The following CCDC85C variants were observed in gnomAD, a reference collection of about 807,000 sequenced individuals.
CCDC85C encodes coiled-coil domain-containing protein 85C.
A neutral mutation model predicts 38.3 loss-of-function variants in CCDC85C; 18 were observed. That is an observed-to-expected ratio of 0.47 (90% CI 0.33 to 0.70). CCDC85C has a LOEUF of 0.70. Among genes scored for constraint, CCDC85C ranks in the 30% least tolerant of loss-of-function variants. The pLI is 0.03. For synonymous variants in CCDC85C, 264 were observed against 293.8 expected (o/e 0.90, Z 1.04); for missense variants, 566 against 621.2 (o/e 0.91, Z 0.94).
At position 99,517,303 on chromosome 14, in the gene CCDC85C, G is replaced by A. The variant is rs563508992; in HGVS notation, c.976-120C>T. ...GCCCAGGCAGGAGGAAAAGGGGACC[G>A]GGGTGAGGCAGAGGAGGCAGGTGTG... On this transcript the variant is annotated intron_variant, in intron 3 of 5. Coordinates refer to ENST00000380243, the MANE Select transcript of CCDC85C (RefSeq NM_001144995.2). 2.3e-4 allele frequency: 175 copies of A among 763,488 alleles called. 1 individual carries two copies. The highest frequency in any genetic ancestry group is 2.3e-4 in the Admixed American group (8 of 34,258). 47.3% of individuals were successfully genotyped at this position (763,488 alleles called of 1,614,324 possible). A position where few individuals can be genotyped will look rare whatever the true frequency, so the allele number is the denominator to read the frequency against.
At chr14:99,587,738 G>A (rs369651787) in intron 1 of CCDC85C, among the ~76,000 whole-genome samples, 12 of 152,240 alleles carry the variant, frequency 7.9e-5, no homozygotes, top group South Asian at 2.1e-4. Context: ...CAGAACCCCC[G>A]TACAGTCATG....
chr14:99,519,150 C>CGA (rs1428508529), intron 3 of CCDC85C, among the ~76,000 whole-genome samples: 1 of 108,488 alleles, frequency 9.2e-6, no homozygotes, highest in Non-Finnish European at 1.7e-5. Context: ...GGATCTCACT[C>CGA]TGTCGCCCAG....
At position 99,502,526 on chromosome 14, in the gene CCDC85C, C is replaced by A; in HGVS notation, c.*12720G>T. The A allele has an allele frequency of 1.5e-6, 2 of 1,335,538 alleles. No individual in the cohort carries two copies. Among genetic ancestry groups the A allele is most frequent in the Non-Finnish European group, 2.0e-6 (2 of 992,846 alleles). 82.7% of individuals were successfully genotyped at this position (1,335,538 alleles called of 1,614,324 possible). ...CATTAATTAAATTATCTAATAGTTT[C>A]CACTTTGTCCAAACACATACTTTTG... On this transcript the variant is annotated 3_prime_UTR_variant, in exon 6 of 6. Transcript: ENST00000380243.
rs1896840177 is a variant in CCDC85C at position 99,501,918 on chromosome 14, G to A, written c.*13328C>T. On this transcript the variant is annotated 3_prime_UTR_variant, in exon 6 of 6. Transcript: ENST00000380243. The stretch of plus-strand genomic sequence containing the variant: ...TTTGAAGAAACAGTTGAGTGGCTAG[G>A]ATTTCAACAGTTTAAATAACATAAG... The A allele has an allele frequency of 3.7e-6, 1 of 266,858 alleles. No individual in the cohort carries two copies. Among genetic ancestry groups the A allele is most frequent in the African/African-American group, 2.2e-5 (1 of 44,576 alleles). 16.5% of individuals were successfully genotyped at this position (266,858 alleles called of 1,614,324 possible).
At chr14:99,555,499 C>T (rs976638699) in intron 1 of CCDC85C, among the ~76,000 whole-genome samples, 3 of 152,190 alleles carry the variant, frequency 2.0e-5, no homozygotes, top group Admixed American at 2.0e-4. Flanking sequence ...CCACTTTTTT[C>T]TCCCAGGCCA....
At position 99,576,857 on chromosome 14, in the gene CCDC85C, G is replaced by A. The variant is rs1898487864; in HGVS notation, c.793+26310C>T. On this transcript the variant is annotated intron_variant, in intron 1 of 5. Coordinates refer to ENST00000380243, the MANE Select transcript of CCDC85C (RefSeq NM_001144995.2). The surrounding 1 kb of genome is among the most constrained non-coding windows in gnomAD (Gnocchi z 4.8). ...GAGGGTAAGCAACATGCCCAAGACA[G>A]CACAGCGGGGCAGCACTCTCTCCGG... Among the ~76,000 whole-genome samples, 1 of 152,044 alleles carries A rather than the reference G, an allele frequency of 6.6e-6. No individual in the cohort carries two copies. Among genetic ancestry groups the A allele is most frequent in the Non-Finnish European group, 1.5e-5 (1 of 67,992 alleles).
chr14:99,511,531 T>C lies in CCDC85C; in HGVS notation c.*3715A>G, dbSNP rs917189115. 1 of 152,688 alleles carries C rather than the reference T, an allele frequency of 6.5e-6. No homozygotes were observed. 9.5% of individuals were successfully genotyped at this position (152,688 alleles called of 1,614,324 possible). ...TCTGAAACTATCCCTTTCTTTGTTATGGGTGGAAGGTGGGGCTCCAGGCCT... is the reference window on the plus strand; with the variant it reads ...TCTGAAACTATCCCTTTCTTTGTTACGGGTGGAAGGTGGGGCTCCAGGCCT... On this transcript the variant is annotated 3_prime_UTR_variant, in exon 6 of 6. Transcript: ENST00000380243.
chr14:99,567,198 A>AGTGCCTGGG lies in CCDC85C; in HGVS notation c.794-31111_794-31110insCCCAGGCAC, dbSNP rs59554600. Reference sequence around the variant, plus strand: ...GGACAGATGAGTGCACAGTCACAGGAAGAGCAGGTTCACCCACACATTCAC... The same window carrying AGTGCCTGGG: ...GGACAGATGAGTGCACAGTCACAGGAGTGCCTGGGAGAGCAGGTTCACCCACACATTCAC... On this transcript the variant is annotated intron_variant, in intron 1 of 5. Transcript: ENST00000380243. 4.1e-3 allele frequency among the ~76,000 whole-genome samples: 620 copies of AGTGCCTGGG among 151,720 alleles called. 2 individuals are homozygous for AGTGCCTGGG. Among genetic ancestry groups the AGTGCCTGGG allele is most frequent in the South Asian group, 0.019 (90 of 4,816 alleles).
At chr14:99,547,359 G>A (rs1049096594) in intron 1 of CCDC85C, among the ~76,000 whole-genome samples, 11 of 152,292 alleles carry the variant, frequency 7.2e-5, no homozygotes, top group African/African-American at 2.6e-4. Context: ...CCAGGGGCTG[G>A]TGCAGGCAAG....
At chr14:99,579,120 T>G (rs1190722355) in intron 1 of CCDC85C, among the ~76,000 whole-genome samples, 1 of 152,196 alleles carries the variant, frequency 6.6e-6, no homozygotes, top group Non-Finnish European at 1.5e-5. Context: ...CTGACCCAGG[T>G]GGCCCTGAGT....
Position 99,588,782 on chromosome 14 carries a change from G to T in CCDC85C, c.793+14385C>A, listed in dbSNP as rs2055053674. 6.6e-6 allele frequency among the ~76,000 whole-genome samples: 1 copy of T among 151,978 alleles called. No individual in the cohort carries two copies. Among genetic ancestry groups the T allele is most frequent in the African/African-American group, 2.4e-5 (1 of 41,388 alleles). On this transcript the variant is annotated intron_variant, in intron 1 of 5. Coordinates refer to ENST00000380243, the MANE Select transcript of CCDC85C (RefSeq NM_001144995.2). The surrounding 1 kb of genome is among the most constrained non-coding windows in gnomAD (Gnocchi z 5.0). ...GGAATACCCAAAAAAGCCCCCAAAA[G>T]TACTGGTTCTACTAGATGGAGGGAA...
rs748299090 is a variant in CCDC85C at position 99,507,888 on chromosome 14, G to T, written c.*7358C>A. 3 of 152,226 alleles carry T rather than the reference G, an allele frequency of 2.0e-5. No homozygotes were observed. The highest frequency in any genetic ancestry group is 1.9e-4 in the East Asian group (1 of 5,194). 9.4% of individuals were successfully genotyped at this position (152,226 alleles called of 1,614,324 possible). On this transcript the variant is annotated 3_prime_UTR_variant, in exon 6 of 6. Coordinates refer to ENST00000380243, the MANE Select transcript of CCDC85C (RefSeq NM_001144995.2). ...TAAGCTGGAAAGCCTCTCTGATACC[G>T]CTGGCAATAGAGGAGAAAAGCTGTA...
chr14:99,582,262 C>T (rs952567010), intron 1 of CCDC85C, among the ~76,000 whole-genome samples: 2 of 152,136 alleles, frequency 1.3e-5, no homozygotes, highest in African/African-American at 4.8e-5. Flanking sequence ...CGACGACCAC[C>T]CTGAGGTCCC....
chr14:99,507,043 T>G lies in CCDC85C; in HGVS notation c.*8203A>C. ...ACATGCTTATTCATGTGAAGAAGTA[T>G]GAGTGGTTTTCTAATCTGCTTTTTC... On this transcript the variant is annotated 3_prime_UTR_variant, in exon 6 of 6. Transcript: ENST00000380243. The G allele has an allele frequency of 8.0e-7, 1 of 1,252,224 alleles. No individual in the cohort carries two copies. The highest frequency in any genetic ancestry group is 1.2e-6 in the Non-Finnish European group (1 of 849,516). 77.6% of individuals were successfully genotyped at this position (1,252,224 alleles called of 1,614,324 possible). A position where few individuals can be genotyped will look rare whatever the true frequency, so the allele number is the denominator to read the frequency against.
In CCDC85C at chr14:99,507,376, A is replaced by C. The variant is rs1239505158; in HGVS notation, c.*7870T>G. 27 of 527,254 alleles carry C rather than the reference A, an allele frequency of 5.1e-5. No individual in the cohort carries two copies. In the East Asian group the frequency reaches 8.2e-4, roughly 16 times the overall value. The allele number at this position is 527,254 out of a possible 1,614,324, so 32.7% of individuals were successfully genotyped here. On this transcript the variant is annotated 3_prime_UTR_variant, in exon 6 of 6. Coordinates refer to ENST00000380243, the MANE Select transcript of CCDC85C (RefSeq NM_001144995.2). ...AGAATCACCTGACCCCAGGAGTTCG[A>C]GGTCAGCCTGGGCAACAAAGTGAGA...
chr14:99,597,522 C>T (rs1274744871), intron 1 of CCDC85C, among the ~76,000 whole-genome samples: 1 of 152,208 alleles, frequency 6.6e-6, no homozygotes, highest in East Asian at 1.9e-4. Context: ...CCTCCCCTGA[C>T]ACAGCGCTCC....
At chr14:99,541,304 A>C (rs1369117333) in intron 1 of CCDC85C, among the ~76,000 whole-genome samples, 1 of 152,026 alleles carries the variant, frequency 6.6e-6, no homozygotes, top group African/African-American at 2.4e-5. Flanking sequence ...AGCACCCCGC[A>C]CCCCAAGCTG....
In CCDC85C at chr14:99,503,053, C is replaced by A. The variant is rs1164752137; in HGVS notation, c.*12193G>T. The A allele has an allele frequency of 6.5e-6, 10 of 1,532,370 alleles. No homozygotes were observed. The highest frequency in any genetic ancestry group is 1.4e-5 in the African/African-American group (1 of 73,394). The allele number at this position is 1,532,370 out of a possible 1,614,324, so 94.9% of individuals were successfully genotyped here. ...GTGGCGGCAACACCTGAGCACTGTTCCCATTTCTAAGCGAGCACAGGGAAC... is the reference window on the plus strand; with the variant it reads ...GTGGCGGCAACACCTGAGCACTGTTACCATTTCTAAGCGAGCACAGGGAAC... On this transcript the variant is annotated 3_prime_UTR_variant, in exon 6 of 6. Transcript: ENST00000380243.
At chr14:99,571,139 G>A (rs548375168) in intron 1 of CCDC85C, among the ~76,000 whole-genome samples, 131 of 152,272 alleles carry the variant, frequency 8.6e-4, no homozygotes, top group Admixed American at 3.5e-3. Flanking sequence ...GAAGACAAAG[G>A]ATGAGGAAGA....
Sources: allele counts gnomAD v4.1 joint callset (sites outside exome capture counted in the v4.1 genomes callset), GRCh38; gene constraint gnomAD v4.1.1; non-coding constraint Gnocchi (gnomAD v3.1); transcripts MANE v1.5; gene names NCBI Gene and HGNC (gene_info 2026-07-23, HGNC 2026-07-21).